LMO7: variants seen among roughly 807,000 people sequenced by gnomAD.
LMO7 encodes the protein LIM domain 7.
A neutral mutation model predicts 206.5 loss-of-function variants in LMO7; 120 were observed. The ratio of observed to expected loss-of-function variants is 0.58; its 90% confidence interval spans 0.50 to 0.68. LMO7 has a LOEUF of 0.68. Ranked by LOEUF, LMO7 falls within the 30% of genes least tolerant of loss-of-function variation. The probability of loss-of-function intolerance (pLI) is 0.00; values close to 1 mark genes in which losing one functional copy is unlikely to be tolerated. For missense variants in LMO7, 1,959 were observed against 1,957.9 expected (o/e 1.00, Z -0.01); for synonymous variants, 706 against 681.5 (o/e 1.04, Z -0.56).
intron 1 of LMO7, chr13:75,689,038 T>C (rs1159405263): frequency 6.6e-6 from 1 of 152,254 alleles, no homozygotes; most frequent in Non-Finnish European, 1.5e-5. Flanking sequence ...ACTCTGTATA[T>C]GCATTGACAT....
intron 15 of LMO7, among the ~76,000 whole-genome samples, chr13:75,827,174 C>A (rs546031710): frequency 6.6e-6 from 1 of 152,148 alleles, no homozygotes; most frequent in Non-Finnish European, 1.5e-5. Flanking sequence ...TTAAGTTTTA[C>A]GGACTTGAAC....
chr13:75,623,425 G>A (rs1038316163), intron 2 of LMO7: 34 of 637,982 alleles, frequency 5.3e-5, no homozygotes, highest in Non-Finnish European at 9.3e-5. Context: ...GTGCAGTGGT[G>A]CCATCTAGGG....
intron 1 of LMO7, among the ~76,000 whole-genome samples, chr13:75,665,623 T>A (rs1046514601): frequency 5.9e-5 from 9 of 151,788 alleles, no homozygotes; most frequent in African/African-American, 2.2e-4. Flanking sequence ...GCCTCCTGGG[T>A]TCAAGCGACT....
chr13:75,807,910 T>C lies in LMO7; in HGVS notation c.1627T>C (p.Phe543Leu). 1 of 1,613,964 alleles carries C rather than the reference T, an allele frequency of 6.2e-7. No individual in the cohort carries two copies. The highest frequency in any genetic ancestry group is 8.5e-7 in the Non-Finnish European group (1 of 1,179,886). Residue 543 changes from phenylalanine (F) to leucine (L), a missense_variant, in exon 10 of 31, where the codon TTT becomes CTT. Physicochemically the swap from Phe to Leu is conservative, Grantham distance 22. Coordinates refer to ENST00000377534, the MANE Select transcript of LMO7 (RefSeq NM_001306080.2). ...CCCAGATAGATACCACCCAGTCCCT[T>C]TTCCCGAACCCTGGACTCTTCCTCC... Reference protein sequence around the residue: ...GAPDRYHPVPFPEPWTLPPEI... With the variant: ...GAPDRYHPVPLPEPWTLPPEI...
At chr13:75,780,010 C>G (rs1034446060) in intron 4 of LMO7, among the ~76,000 whole-genome samples, 1 of 152,024 alleles carries the variant, frequency 6.6e-6, no homozygotes, top group Non-Finnish European at 1.5e-5. Context: ...TTATGGATTT[C>G]AAAAGGGGAG....
chr13:75,642,487 T>G (rs1223863938), intron 1 of LMO7, among the ~76,000 whole-genome samples: 2 of 149,982 alleles, frequency 1.3e-5, no homozygotes, highest in Non-Finnish European at 3.0e-5. Flanking sequence ...CCTGCATTCT[T>G]GGCTGCTTGG....
intron 15 of LMO7, among the ~76,000 whole-genome samples, chr13:75,825,080 T>C (rs1251350446): frequency 6.6e-6 from 1 of 152,136 alleles, no homozygotes; most frequent in African/African-American, 2.4e-5. Flanking sequence ...GGTATATTTC[T>C]TTTGTTTTTT....
At chr13:75,702,150 C>A (rs866530246) in intron 1 of LMO7, among the ~76,000 whole-genome samples, 1 of 150,394 alleles carries the variant, frequency 6.6e-6, no homozygotes, top group African/African-American at 2.4e-5. Context: ...TCTGGTTTAA[C>A]GATGATTGAG....
At chr13:75,687,787 T>A (rs552822083) in intron 1 of LMO7, among the ~76,000 whole-genome samples, 121 of 152,352 alleles carry the variant, frequency 7.9e-4, no homozygotes, top group Admixed American at 3.1e-3. Context: ...TTGGTACTTA[T>A]GATTAATCCA....
intron 1 of LMO7, among the ~76,000 whole-genome samples, chr13:75,669,742 A>C (rs538943564): frequency 1.6e-4 from 24 of 152,238 alleles, no homozygotes; most frequent in African/African-American, 5.8e-4. Context: ...ATAGCTTTTG[A>C]TTGCAAGAGG....
chr13:75,752,638 T>C (rs2047366395), intron 3 of LMO7, among the ~76,000 whole-genome samples: 1 of 152,140 alleles, frequency 6.6e-6, no homozygotes, highest in Admixed American at 6.5e-5. Flanking sequence ...CACACTCTAC[T>C]TCCATTTGTA....
At position 75,804,418 on chromosome 13, in the gene LMO7, A is replaced by G. The variant is rs369724059; in HGVS notation, c.791A>G (p.Asn264Ser). The change falls in exon 8 of 31, where the codon AAC becomes AGC. Residue 264 changes from asparagine to serine, a missense_variant. Coordinates refer to ENST00000377534, the MANE Select transcript of LMO7 (RefSeq NM_001306080.2). ...TTACCCTTCAATCGTTTTTTACCCA[A>G]CAAAAGTAGACAGCCATCCTATGTA... is the stretch of plus-strand genomic sequence containing the variant. The part of the protein sequence containing the change: ...TALPFNRFLP[N>S]KSRQPSYVPA... 6.1e-5 allele frequency: 98 copies of G among 1,614,228 alleles called. No homozygotes were observed. The South Asian group carries it at 8.0e-4, about 13-fold the overall frequency.
intron 4 of LMO7, among the ~76,000 whole-genome samples, chr13:75,790,476 T>A (rs915942955): frequency 6.6e-6 from 1 of 152,132 alleles, no homozygotes; most frequent in African/African-American, 2.4e-5. Flanking sequence ...AGTCCCGCAC[T>A]CAACCAAGCT....
intron 1 of LMO7, among the ~76,000 whole-genome samples, chr13:75,701,659 T>C (rs1031397108): frequency 3.3e-5 from 5 of 152,204 alleles, no homozygotes; most frequent in Non-Finnish European, 5.9e-5. Context: ...TAGAAAAAAA[T>C]AATTTAAGGC....
intron 3 of LMO7, 126 bp downstream of exon 3, chr13:75,727,224 AGT>A (rs1176426228): frequency 3.5e-6 from 2 of 571,752 alleles, no homozygotes; most frequent in Non-Finnish European, 6.3e-6. Context: ...GCTGAAGCAA[AGT>A]GTGTTTGGTG....
intron 1 of LMO7, among the ~76,000 whole-genome samples, chr13:75,656,548 G>C (rs1254897962): frequency 6.6e-6 from 1 of 152,042 alleles, no homozygotes; most frequent in African/African-American, 2.4e-5. Context: ...GTTATGACTT[G>C]GGAATAAATG....
chr13:75,728,189 G>A (rs1238702477), intron 3 of LMO7, among the ~76,000 whole-genome samples: 1 of 152,168 alleles, frequency 6.6e-6, no homozygotes, highest in Admixed American at 6.5e-5. Flanking sequence ...GATCCCTGAG[G>A]AATCGCCACA....
chr13:75,836,743 C>G (rs1041158766), intron 19 of LMO7, among the ~76,000 whole-genome samples: 42 of 152,184 alleles, frequency 2.8e-4, no homozygotes, highest in African/African-American at 9.4e-4. Context: ...CTGAGGCCGT[C>G]AGCTTTCTTG....
intron 15 of LMO7, among the ~76,000 whole-genome samples, chr13:75,828,650 G>A (rs1396605886): frequency 6.6e-6 from 1 of 152,202 alleles, no homozygotes; most frequent in East Asian, 1.9e-4. Flanking sequence ...TAAAAATGGA[G>A]TGTGATATAA....
Sources: gnomAD v4.1 joint callset for allele counts (sites outside exome capture counted in the v4.1 genomes callset) on GRCh38, gnomAD v4.1.1 for gene constraint, MANE v1.5 for transcripts, NCBI Gene and HGNC (gene_info 2026-07-23, HGNC 2026-07-21) for gene names.